CMTM8: variants seen among roughly 807,000 people sequenced by gnomAD.
CMTM8 encodes CKLF like MARVEL transmembrane domain containing 8, also known as CKLF-like MARVEL transmembrane domain-containing protein 8.
In CMTM8, 12 loss-of-function variants were observed where a neutral mutation model predicts 18.6. The observed-to-expected ratio is 0.65, with a 90% CI of 0.41 to 1.05. CMTM8 has a LOEUF of 1.05. CMTM8 is among the 50% of genes least tolerant of loss of function. CMTM8 has a pLI of 0.00. For synonymous variants in CMTM8, 87 were observed against 90.6 expected (o/e 0.96, Z 0.23); for missense variants, 217 against 227.2 (o/e 0.95, Z 0.29).
intron 1 of CMTM8, among the ~76,000 whole-genome samples, chr3:32,268,153 A>G (rs539772775): frequency 6.6e-6 from 1 of 152,364 alleles, no homozygotes; most frequent in South Asian, 2.1e-4. Flanking sequence ...ACGTATGTTT[A>G]TTGCAGCACT....
intron 1 of CMTM8, among the ~76,000 whole-genome samples, chr3:32,299,444 A>G (rs1399405940): frequency 6.6e-6 from 1 of 152,194 alleles, no homozygotes; most frequent in African/African-American, 2.4e-5. Context: ...TCAAGAGGAA[A>G]ATATAATCTG....
intron 1 of CMTM8, among the ~76,000 whole-genome samples, chr3:32,287,171 TA>T (rs553268842): frequency 8.5e-5 from 13 of 152,244 alleles, no homozygotes; most frequent in Non-Finnish European, 1.5e-4. Context: ...TGAAACAATT[TA>T]AGGTGTCTGG....
intron 1 of CMTM8, among the ~76,000 whole-genome samples, chr3:32,251,799 T>C (rs1268003633): frequency 6.6e-6 from 1 of 151,912 alleles, no homozygotes; most frequent in Non-Finnish European, 1.5e-5. Context: ...TTTTAATATT[T>C]ACTTTTTTGG....
At chr3:32,278,736 A>G (rs1343878013) in intron 1 of CMTM8, among the ~76,000 whole-genome samples, 9 of 152,184 alleles carry the variant, frequency 5.9e-5, no homozygotes, top group Non-Finnish European at 1.2e-4. Flanking sequence ...CTTTTAGTTT[A>G]CTTACCTTTA....
At chr3:32,245,820 G>T (rs907668687) in intron 1 of CMTM8, among the ~76,000 whole-genome samples, 10 of 152,118 alleles carry the variant, frequency 6.6e-5, no homozygotes, top group Admixed American at 6.6e-5. Flanking sequence ...ATTACTTTGA[G>T]ATAGAGTCTT....
chr3:32,246,802 T>G (rs185759794), intron 1 of CMTM8, among the ~76,000 whole-genome samples: 1 of 152,360 alleles, frequency 6.6e-6, no homozygotes, highest in Non-Finnish European at 1.5e-5. Flanking sequence ...ATGAATCTTC[T>G]TTAAAGATAA....
At chr3:32,245,718 T>C (rs879800643) in intron 1 of CMTM8, among the ~76,000 whole-genome samples, 56 of 152,242 alleles carry the variant, frequency 3.7e-4, no homozygotes, top group African/African-American at 1.0e-3. Context: ...TCTGTTGCCC[T>C]GTTGAGTTCC....
intron 2 of CMTM8, among the ~76,000 whole-genome samples, chr3:32,367,109 G>T (rs952556414): frequency 1.3e-5 from 2 of 152,122 alleles, no homozygotes; most frequent in East Asian, 3.9e-4. Flanking sequence ...CTCCTGAGAG[G>T]CATCCCCCTT....
intron 1 of CMTM8, among the ~76,000 whole-genome samples, chr3:32,329,638 A>T (rs1696232355): frequency 6.6e-6 from 1 of 152,232 alleles, no homozygotes. Context: ...TAAAGACCAT[A>T]TATGATAAGC....
chr3:32,333,852 A>C (rs1163997173), intron 1 of CMTM8, among the ~76,000 whole-genome samples: 1 of 152,168 alleles, frequency 6.6e-6, no homozygotes, highest in Non-Finnish European at 1.5e-5. Flanking sequence ...CCCTAATGTA[A>C]ACTATGGGCT....
intron 1 of CMTM8, among the ~76,000 whole-genome samples, chr3:32,253,250 C>T (rs1380059511): frequency 2.6e-5 from 4 of 152,004 alleles, no homozygotes. Context: ...GTAAAATCAG[C>T]CTTAGTTTCC....
chr3:32,275,094 C>T (rs1702495413), intron 1 of CMTM8, among the ~76,000 whole-genome samples: 1 of 152,120 alleles, frequency 6.6e-6, no homozygotes, highest in South Asian at 2.1e-4. Flanking sequence ...GCCTCAACCT[C>T]CCAAGGCTCA....
At chr3:32,357,297 T>A (rs991068534) in intron 1 of CMTM8, 76 bp from the exon 2 acceptor site, 1 of 1,071,338 alleles carries the variant, frequency 9.3e-7, no homozygotes, top group African/African-American at 1.6e-5. Flanking sequence ...TATTTTTTTT[T>A]CTTTGTCCCT....
chr3:32,345,992 T>C (rs1254126251), intron 1 of CMTM8, among the ~76,000 whole-genome samples: 1 of 152,046 alleles, frequency 6.6e-6, no homozygotes, highest in Non-Finnish European at 1.5e-5. Context: ...CCGTCTCTAC[T>C]AAAAATACAA....
chr3:32,275,744 G>A (rs60111637), intron 1 of CMTM8, among the ~76,000 whole-genome samples: 109 of 146,944 alleles, frequency 7.4e-4, no homozygotes, highest in African/African-American at 2.6e-3. Context: ...CCACCTCCAG[G>A]GCTCAAGCAA....
intron 1 of CMTM8, among the ~76,000 whole-genome samples, chr3:32,286,239 A>C (rs1279394421): frequency 6.6e-6 from 1 of 152,218 alleles, no homozygotes; most frequent in African/African-American, 2.4e-5. Context: ...AATGCAACTT[A>C]AAATCTTTTA....
chr3:32,366,544 A>G (rs1410775460), intron 2 of CMTM8, among the ~76,000 whole-genome samples: 1 of 152,228 alleles, frequency 6.6e-6, no homozygotes, highest in African/African-American at 2.4e-5. Flanking sequence ...ACCCATCCTC[A>G]AAGATGTTCG....
At chr3:32,331,446 C>A (rs1036747659) in intron 1 of CMTM8, among the ~76,000 whole-genome samples, 1 of 151,856 alleles carries the variant, frequency 6.6e-6, no homozygotes, top group African/African-American at 2.4e-5. Context: ...TACTATATGA[C>A]CCAACAATCC....
chr3:32,367,796 C>A, intron 2 of CMTM8, 76 bp from the exon 3 acceptor site: 1 of 964,318 alleles, frequency 1.0e-6, no homozygotes, highest in Non-Finnish European at 1.7e-6. Flanking sequence ...AGAGGTACAG[C>A]CCTCATCACT....
Sources: allele counts gnomAD v4.1 joint callset (sites outside exome capture counted in the v4.1 genomes callset), GRCh38; gene constraint gnomAD v4.1.1; transcripts MANE v1.5; gene names NCBI Gene and HGNC (gene_info 2026-07-23, HGNC 2026-07-21).